The following WWOX variants were observed in gnomAD, a reference collection of about 807,000 sequenced individuals.
WWOX encodes WW domain-containing oxidoreductase.
In WWOX, 69 loss-of-function variants were observed where a neutral mutation model predicts 46.2. That is an observed-to-expected ratio of 1.49 (90% CI 1.23 to 1.82). The LOEUF is 1.82. WWOX is among the 40% of genes most tolerant of loss of function. The probability of loss-of-function intolerance (pLI) is 0.00; values close to 1 mark genes in which losing one functional copy is unlikely to be tolerated. For missense variants in WWOX, 919 were observed against 542.6 expected, an observed-to-expected ratio of 1.69 and a Z score of -6.89; for synonymous variants, 359 against 202.6, an observed-to-expected ratio of 1.77 and a Z score of -6.56.
chr16:78,630,831 C>G (rs2046410932), intron 8 of WWOX, among the ~76,000 whole-genome samples: 1 of 151,970 alleles, frequency 6.6e-6, no homozygotes, highest in Admixed American at 6.6e-5. Context: ...AAGAAAATAG[C>G]CAACAAATAC....
At chr16:78,202,337 C>A (rs2036257000) in intron 5 of WWOX, among the ~76,000 whole-genome samples, 2 of 152,220 alleles carry the variant, frequency 1.3e-5, no homozygotes, top group African/African-American at 4.8e-5. Context: ...AACCCTTGGC[C>A]CATGCCTCAT....
intron 8 of WWOX, among the ~76,000 whole-genome samples, chr16:78,608,340 A>G (rs1321317546): frequency 1.3e-5 from 2 of 152,220 alleles, no homozygotes; most frequent in South Asian, 2.1e-4. Flanking sequence ...GCTTTCTTTC[A>G]AAGCCCTTAC....
intron 8 of WWOX, among the ~76,000 whole-genome samples, chr16:78,758,733 G>A (rs969675241): frequency 1.3e-5 from 2 of 152,078 alleles, no homozygotes; most frequent in Admixed American, 6.5e-5. Context: ...GATAAATGGA[G>A]TTAAAAATTT....
chr16:78,126,055 T>A (rs1318364203), intron 4 of WWOX, among the ~76,000 whole-genome samples: 1 of 152,328 alleles, frequency 6.6e-6, no homozygotes, highest in East Asian at 1.9e-4. Flanking sequence ...TTCGTGATTT[T>A]TCTATTTAAA....
intron 8 of WWOX, chr16:78,996,376 A>ACCCC (rs1338159064): frequency 7.5e-4 from 353 of 471,498 alleles, no homozygotes; most frequent in Non-Finnish European, 7.8e-4. Flanking sequence ...TTCTGCACCC[A>ACCCC]CCCCCGCCCC....
chr16:78,263,849 C>T (rs1249797491), intron 5 of WWOX, among the ~76,000 whole-genome samples: 2 of 152,094 alleles, frequency 1.3e-5, no homozygotes, highest in Non-Finnish European at 2.9e-5. Flanking sequence ...GAAGTCTCTG[C>T]CTTGGGATGG....
At chr16:78,182,245 G>T (rs1008024847) in intron 5 of WWOX, among the ~76,000 whole-genome samples, 1 of 152,186 alleles carries the variant, frequency 6.6e-6, no homozygotes, top group African/African-American at 2.4e-5. Context: ...AAATGTTCAT[G>T]ATGGTACCCG....
chr16:78,275,168 G>C (rs996342598), intron 5 of WWOX, among the ~76,000 whole-genome samples: 2 of 152,178 alleles, frequency 1.3e-5, no homozygotes, highest in South Asian at 2.1e-4. Context: ...AAACGTGGAG[G>C]GGGGTGGTGA....
intron 8 of WWOX, among the ~76,000 whole-genome samples, chr16:78,581,353 G>A (rs924809315): frequency 5.3e-5 from 8 of 152,110 alleles, no homozygotes; most frequent in African/African-American, 1.9e-4. Context: ...AAATTCAATT[G>A]CTGTACCCTT....
At chr16:78,973,684 A>C (rs915738412) in intron 8 of WWOX, among the ~76,000 whole-genome samples, 2 of 152,214 alleles carry the variant, frequency 1.3e-5, no homozygotes, top group African/African-American at 4.8e-5. Flanking sequence ...CTCTTTTAAC[A>C]AATGAAAGTT....
At chr16:78,229,694 G>C (rs2037189871) in intron 5 of WWOX, among the ~76,000 whole-genome samples, 1 of 152,020 alleles carries the variant, frequency 6.6e-6, no homozygotes, top group Non-Finnish European at 1.5e-5. Flanking sequence ...GACAGTTTCA[G>C]TGTTGGTAGC....
At chr16:78,741,137 C>T (rs911126880) in intron 8 of WWOX, among the ~76,000 whole-genome samples, 2 of 152,196 alleles carry the variant, frequency 1.3e-5, no homozygotes, top group African/African-American at 2.4e-5. Context: ...AGCGCCACTT[C>T]ACACTGCAGT....
At chr16:79,010,821 T>A (rs1441445426) in intron 8 of WWOX, among the ~76,000 whole-genome samples, 2 of 23,730 alleles carry the variant, frequency 8.4e-5, no homozygotes, top group Admixed American at 5.0e-4. Context: ...GGGGCGGGGG[T>A]GGGGGTTCAG....
Position 79,165,926 on chromosome 16 carries a change from C to T in WWOX, c.1057-45682C>T, listed in dbSNP as rs1296522260. Among the ~76,000 whole-genome samples the T allele has an allele frequency of 3.9e-5, 6 of 152,334 alleles. No individual in the cohort carries two copies. The South Asian group carries it at 8.3e-4, about 21-fold the overall frequency. The stretch of plus-strand genomic sequence containing the variant: ...AGGTCATACTAATCAACTCAATTAC[C>T]AGCCCTCTCAGACATTTTCATAATG... On this transcript the variant is annotated intron_variant, in intron 8 of 8. Transcript: ENST00000566780.
At chr16:78,435,472 T>G (rs1423429022) in intron 8 of WWOX, among the ~76,000 whole-genome samples, 2 of 152,134 alleles carry the variant, frequency 1.3e-5, no homozygotes, top group African/African-American at 2.4e-5. Flanking sequence ...GGTAAAAGAT[T>G]AACTGCGCAC....
In WWOX at chr16:78,579,799, C is replaced by G. The variant is rs531269800; in HGVS notation, c.1056+147047C>G. On this transcript the variant is annotated intron_variant, in intron 8 of 8. Transcript: ENST00000566780. ...TGAGGAGATAATATCTTTAAATCTC[C>G]TACGGTGATACCTGGAACATGATGG... Among the ~76,000 whole-genome samples, 72 of 152,230 alleles carry G rather than the reference C, an allele frequency of 4.7e-4. No homozygotes were observed. In the East Asian group the frequency reaches 8.1e-3, roughly 17 times the overall value.
intron 8 of WWOX, among the ~76,000 whole-genome samples, chr16:78,746,980 G>T (rs759442500): frequency 3.3e-5 from 5 of 152,038 alleles, no homozygotes; most frequent in Non-Finnish European, 7.4e-5. Context: ...CTCTTTTCCA[G>T]GGTCTACATG....
chr16:78,357,937 G>A (rs2081332257), intron 5 of WWOX, among the ~76,000 whole-genome samples: 1 of 152,146 alleles, frequency 6.6e-6, no homozygotes, highest in South Asian at 2.1e-4. Flanking sequence ...CATTGAGTAG[G>A]AGAAGGCCAG....
intron 5 of WWOX, among the ~76,000 whole-genome samples, chr16:78,296,719 G>C (rs921320781): frequency 6.6e-6 from 1 of 152,078 alleles, no homozygotes; most frequent in African/African-American, 2.4e-5. Context: ...TGGTAGCAGG[G>C]AGCTGCTGTT....
Sources: gnomAD v4.1 joint callset for allele counts (sites outside exome capture counted in the v4.1 genomes callset) on GRCh38, gnomAD v4.1.1 for gene constraint, MANE v1.5 for transcripts, NCBI Gene and HGNC (gene_info 2026-07-23, HGNC 2026-07-21) for gene names.